The following IL1R1 variants were observed in gnomAD, a reference collection of about 807,000 sequenced individuals.
The protein encoded by IL1R1 is interleukin-1 receptor type 1.
In IL1R1, 22 loss-of-function variants were observed where a neutral mutation model predicts 50.2. The observed-to-expected ratio is 0.44, with a 90% CI of 0.31 to 0.63. The LOEUF is 0.63. IL1R1 is among the 20% of genes least tolerant of loss of function. The pLI is 0.07. For synonymous variants in IL1R1, 251 were observed against 236.7 expected (o/e 1.06, Z -0.55); for missense variants, 509 against 676.2 (o/e 0.75, Z 2.74).
intron 1 of IL1R1, among the ~76,000 whole-genome samples, chr2:102,106,194 G>A (rs759858069): frequency 2.0e-4 from 31 of 152,258 alleles, no homozygotes; most frequent in African/African-American, 7.2e-4. Context: ...GTGAGTCATG[G>A]CATTCACCCA....
intron 1 of IL1R1, among the ~76,000 whole-genome samples, chr2:102,094,589 A>G (rs1679818145): frequency 6.6e-6 from 1 of 152,190 alleles, no homozygotes; most frequent in Admixed American, 6.5e-5. Flanking sequence ...CTCATAGGCT[A>G]CTTTGTGTAT....
chr2:102,131,743 G>A (rs1682045466), intron 1 of IL1R1, among the ~76,000 whole-genome samples: 1 of 152,012 alleles, frequency 6.6e-6, no homozygotes, highest in Admixed American at 6.6e-5. Context: ...ACATGTAATT[G>A]GAGTCACTCA....
intron 1 of IL1R1, among the ~76,000 whole-genome samples, chr2:102,125,378 C>T (rs1324501252): frequency 6.6e-6 from 1 of 152,196 alleles, no homozygotes; most frequent in Non-Finnish European, 1.5e-5. Context: ...CTGGCACAAA[C>T]AATGTCTCCT....
chr2:102,111,785 G>A (rs1680780206), intron 1 of IL1R1, among the ~76,000 whole-genome samples: 1 of 152,152 alleles, frequency 6.6e-6, no homozygotes. Context: ...CTTCAGGGAT[G>A]GGGTCTCAGG....
At chr2:102,122,131 A>G (rs771770745) in intron 1 of IL1R1, among the ~76,000 whole-genome samples, 47 of 152,320 alleles carry the variant, frequency 3.1e-4, no homozygotes, top group Non-Finnish European at 6.6e-4. Flanking sequence ...TATACTTTTA[A>G]ATAAGGTCAA....
intron 2 of IL1R1, among the ~76,000 whole-genome samples, chr2:102,156,953 A>AGGGCCGGTGTTGGT (rs1684251696): frequency 6.6e-6 from 1 of 152,222 alleles, no homozygotes; most frequent in Non-Finnish European, 1.5e-5. Flanking sequence ...GAATATAGGC[A>AGGGCCGGTGTTGGT]AATTTAATCT....
chr2:102,174,149 A>G (rs191169696), intron 9 of IL1R1, among the ~76,000 whole-genome samples: 2 of 152,116 alleles, frequency 1.3e-5, no homozygotes. Flanking sequence ...TTGGATAACT[A>G]AGTAGAGAAG....
intron 1 of IL1R1, among the ~76,000 whole-genome samples, chr2:102,092,472 G>T (rs557252779): frequency 6.6e-6 from 1 of 152,018 alleles, no homozygotes; most frequent in East Asian, 1.9e-4. Context: ...GAAGCAGAAG[G>T]TCTTGAAACT....
chr2:102,094,074 G>A (rs1476252433), intron 1 of IL1R1, among the ~76,000 whole-genome samples: 2 of 152,208 alleles, frequency 1.3e-5, no homozygotes, highest in Non-Finnish European at 2.9e-5. Context: ...AAGTGGAATA[G>A]AAGTGACTAC....
intron 1 of IL1R1, among the ~76,000 whole-genome samples, chr2:102,114,064 C>T (rs192160489): frequency 7.6e-4 from 116 of 152,262 alleles, no homozygotes; most frequent in African/African-American, 2.3e-3. Context: ...CATATTTGGG[C>T]ACTGGTTTTT....
intron 1 of IL1R1, among the ~76,000 whole-genome samples, chr2:102,132,078 T>G (rs2104418088): frequency 6.6e-6 from 1 of 152,030 alleles, no homozygotes; most frequent in South Asian, 2.1e-4. Flanking sequence ...AACCAAGAAT[T>G]TTATACACAG....
chr2:102,112,090 G>T (rs1285941737), intron 1 of IL1R1, among the ~76,000 whole-genome samples: 3 of 152,024 alleles, frequency 2.0e-5, no homozygotes, highest in East Asian at 1.9e-4. Flanking sequence ...TGATGATGAG[G>T]CTGCTTTGTT....
intron 3 of IL1R1, among the ~76,000 whole-genome samples, chr2:102,162,413 A>C (rs963090478): frequency 6.6e-6 from 1 of 152,140 alleles, no homozygotes; most frequent in Non-Finnish European, 1.5e-5. Context: ...TTATTCATAT[A>C]TTAGGGTTTA....
intron 6 of IL1R1, among the ~76,000 whole-genome samples, chr2:102,167,740 G>A (rs563851977): frequency 6.4e-4 from 97 of 152,122 alleles, no homozygotes; most frequent in African/African-American, 1.8e-3. Context: ...GAGCCACCGC[G>A]CCCGGCCAGG....
intron 3 of IL1R1, among the ~76,000 whole-genome samples, chr2:102,163,480 C>T (rs754311099): frequency 6.6e-6 from 1 of 151,226 alleles, no homozygotes; most frequent in Non-Finnish European, 1.5e-5. Flanking sequence ...TTTTTTTTTC[C>T]TGCAGTATCA....
intron 1 of IL1R1, among the ~76,000 whole-genome samples, chr2:102,124,438 C>G (rs559912010): frequency 4.7e-5 from 7 of 147,684 alleles, no homozygotes; most frequent in Non-Finnish European, 1.0e-4. Context: ...CACTGCCCCC[C>G]CAAAAAAGAA....
intron 7 of IL1R1, among the ~76,000 whole-genome samples, chr2:102,170,602 G>A (rs751547666): frequency 2.0e-5 from 3 of 152,052 alleles, no homozygotes; most frequent in Non-Finnish European, 4.4e-5. Context: ...GCAATAACCA[G>A]CTAGAAAACA....
At position 102,168,746 on chromosome 2, in the gene IL1R1, T is replaced by TA. The variant is rs1339343919; in HGVS notation, c.721+84dup. 3.0e-5 allele frequency: 28 copies of TA among 949,076 alleles called. No homozygotes were observed. The East Asian group carries it at 6.9e-4, about 23-fold the overall frequency. 58.8% of individuals were successfully genotyped at this position (949,076 alleles called of 1,614,324 possible). ...AGTAAGATAAATTGTATCTTTACTA[T>TA]ATATAATCTAAGCCATTTACTGTAT... On this transcript the variant is annotated intron_variant, in intron 7 of 11. Coordinates refer to ENST00000410023, the MANE Select transcript of IL1R1 (RefSeq NM_000877.4).
At chr2:102,107,798 C>T (rs866526270) in intron 1 of IL1R1, among the ~76,000 whole-genome samples, 1 of 152,324 alleles carries the variant, frequency 6.6e-6, no homozygotes. Flanking sequence ...ATTGCCAAAG[C>T]AGTCACCTCT....
Sources: gnomAD v4.1 joint callset for allele counts (sites outside exome capture counted in the v4.1 genomes callset) on GRCh38, gnomAD v4.1.1 for gene constraint, MANE v1.5 for transcripts, NCBI Gene and HGNC (gene_info 2026-07-23, HGNC 2026-07-21) for gene names.